ZMYND8: variants seen among roughly 807,000 people sequenced by gnomAD.
ZMYND8 encodes zinc finger MYND-type containing 8, also known as MYND-type zinc finger-containing chromatin reader ZMYND8.
A neutral mutation model predicts 140.8 loss-of-function variants in ZMYND8; 37 were observed. The observed-to-expected ratio is 0.26, with a 90% CI of 0.20 to 0.35. ZMYND8 has a LOEUF of 0.35. Ranked by LOEUF, ZMYND8 falls within the 10% of genes least tolerant of loss-of-function variation. The probability of loss-of-function intolerance (pLI) is 1.00; values close to 1 mark genes in which losing one functional copy is unlikely to be tolerated. For synonymous variants in ZMYND8, 592 were observed against 597.1 expected (o/e 0.99, Z 0.12); for missense variants, 1,068 against 1,570.0 (o/e 0.68, Z 5.40).
intron 21 of ZMYND8, among the ~76,000 whole-genome samples, chr20:47,219,261 T>G (rs943969082): frequency 2.0e-5 from 3 of 151,710 alleles, no homozygotes; most frequent in Non-Finnish European, 2.9e-5. Flanking sequence ...TTTCACCATG[T>G]TGGTCAGGCT....
chr20:47,264,517 T>A (rs918233414), intron 11 of ZMYND8, among the ~76,000 whole-genome samples: 3 of 152,114 alleles, frequency 2.0e-5, no homozygotes, highest in African/African-American at 7.2e-5. Context: ...CCTCAAGGGA[T>A]CCACCCGCCT....
chr20:47,226,639 C>G (rs980151294), intron 18 of ZMYND8, among the ~76,000 whole-genome samples: 1 of 144,450 alleles, frequency 6.9e-6, no homozygotes, highest in East Asian at 1.9e-4. Flanking sequence ...GGGGATATGT[C>G]CACGCATGCG....
chr20:47,209,467 T>TC lies in ZMYND8; in HGVS notation c.*1293_*1294insG, dbSNP rs2034978162. On this transcript the variant is annotated 3_prime_UTR_variant, in exon 23 of 23. Transcript: ENST00000471951. The stretch of plus-strand genomic sequence containing the variant: ...GGCCAGCTAGGCTATTTTTTTTTTT[T>TC]GACAACTGCAATTCACAAATGTTCT... The TC allele has an allele frequency of 6.8e-6, 1 of 148,012 alleles. No homozygotes were observed. Among genetic ancestry groups the TC allele is most frequent in the Non-Finnish European group, 1.5e-5 (1 of 67,102 alleles). 9.2% of individuals were successfully genotyped at this position (148,012 alleles called of 1,614,324 possible).
chr20:47,271,174 C>G (rs2075921230), intron 11 of ZMYND8, among the ~76,000 whole-genome samples: 1 of 152,200 alleles, frequency 6.6e-6, no homozygotes, highest in Admixed American at 6.5e-5. Flanking sequence ...TCCCTGGTCT[C>G]TTTCAGAAAG....
At chr20:47,217,951 C>CAGG (rs2036364837) in intron 21 of ZMYND8, among the ~76,000 whole-genome samples, 1 of 151,792 alleles carries the variant, frequency 6.6e-6, no homozygotes. Context: ...TGCCTCAGGT[C>CAGG]AGGAGTCAGC....
chr20:47,292,418 CA>C (rs151072463), intron 5 of ZMYND8, among the ~76,000 whole-genome samples: 11 of 141,228 alleles, frequency 7.8e-5, no homozygotes, highest in Non-Finnish European at 1.1e-4. Flanking sequence ...TATACCATAG[CA>C]AAAAAAAAAC....
chr20:47,225,136 T>TA (rs1395574655), intron 18 of ZMYND8, among the ~76,000 whole-genome samples: 1 of 152,164 alleles, frequency 6.6e-6, no homozygotes, highest in East Asian at 1.9e-4. Flanking sequence ...TGGATCCAGA[T>TA]GGGACTGTGG....
chr20:47,269,851 A>G (rs2147696781), intron 11 of ZMYND8, among the ~76,000 whole-genome samples: 1 of 152,382 alleles, frequency 6.6e-6, no homozygotes, highest in South Asian at 2.1e-4. Flanking sequence ...CCATGCACAG[A>G]TGAGCAGAGC....
intron 2 of ZMYND8, among the ~76,000 whole-genome samples, chr20:47,339,719 G>A (rs534632920): frequency 3.8e-4 from 58 of 152,074 alleles, no homozygotes; most frequent in Non-Finnish European, 7.5e-4. Context: ...CTCATGATCC[G>A]CCCACCTCGG....
chr20:47,231,833 C>T (rs2038527812), intron 16 of ZMYND8, among the ~76,000 whole-genome samples: 1 of 152,242 alleles, frequency 6.6e-6, no homozygotes, highest in Non-Finnish European at 1.5e-5. Flanking sequence ...GGGTGAAATT[C>T]AATACATTGC....
intron 19 of ZMYND8, among the ~76,000 whole-genome samples, chr20:47,222,248 G>A (rs755472823): frequency 6.6e-6 from 1 of 152,196 alleles, no homozygotes; most frequent in Non-Finnish European, 1.5e-5. Flanking sequence ...AAAACAGGGC[G>A]TTTGGGGCCG....
intron 19 of ZMYND8, 114 bp downstream of exon 19, chr20:47,224,203 C>T (rs556567260): frequency 6.6e-7 from 1 of 1,516,364 alleles, no homozygotes; most frequent in African/African-American, 1.4e-5. Flanking sequence ...TGAAAGTGTC[C>T]AGAAGCCAGG....
At chr20:47,259,463 C>T (rs1284178530) in intron 12 of ZMYND8, among the ~76,000 whole-genome samples, 1 of 152,156 alleles carries the variant, frequency 6.6e-6, no homozygotes, top group African/African-American at 2.4e-5. Flanking sequence ...CCTCTCCAGA[C>T]CTCCCTCAGT....
intron 2 of ZMYND8, chr20:47,320,242 C>T (rs1205075440): frequency 1.3e-5 from 2 of 152,240 alleles, no homozygotes; most frequent in South Asian, 2.1e-4. Flanking sequence ...CCACTGCTAA[C>T]CAACCAAGGT....
At chr20:47,300,714 G>A (rs1486417110) in intron 3 of ZMYND8, among the ~76,000 whole-genome samples, 1 of 152,090 alleles carries the variant, frequency 6.6e-6, no homozygotes, top group African/African-American at 2.4e-5. Flanking sequence ...CTTTTATTAT[G>A]AGGTTTTGTT....
At chr20:47,316,585 G>A (rs541535616) in intron 2 of ZMYND8, among the ~76,000 whole-genome samples, 46 of 151,996 alleles carry the variant, frequency 3.0e-4, no homozygotes, top group Admixed American at 2.8e-3. Context: ...CTGAGGTCAG[G>A]AGTTCAAAAC....
rs533995837 is a variant in ZMYND8 at position 47,290,104 on chromosome 20, G to C, written c.748+83C>G. On this transcript the variant is annotated intron_variant, in intron 7 of 22. Transcript: ENST00000471951. ...CGCAAGTATTCTCAATATGAATTAAGAGCCTGATTTTTCATGAAGGACAGG... is the reference window on the plus strand; with the variant it reads ...CGCAAGTATTCTCAATATGAATTAACAGCCTGATTTTTCATGAAGGACAGG... 41 of 1,329,060 alleles carry C rather than the reference G, an allele frequency of 3.1e-5. No individual in the cohort carries two copies. The East Asian group carries it at 8.9e-4, about 29-fold the overall frequency. 82.3% of individuals were successfully genotyped at this position (1,329,060 alleles called of 1,614,324 possible).
intron 18 of ZMYND8, among the ~76,000 whole-genome samples, chr20:47,225,763 T>G (rs556024127): frequency 1.3e-5 from 2 of 151,838 alleles, no homozygotes; most frequent in Non-Finnish European, 2.9e-5. Flanking sequence ...TAGCTAAGTT[T>G]TGGCCAGCCC....
chr20:47,274,257 A>G (rs1172633369), intron 11 of ZMYND8, among the ~76,000 whole-genome samples: 1 of 152,238 alleles, frequency 6.6e-6, no homozygotes, highest in African/African-American at 2.4e-5. Context: ...CTAGTTATGT[A>G]TTAATTTCAC....
Sources: gnomAD v4.1 joint callset for allele counts (sites outside exome capture counted in the v4.1 genomes callset) on GRCh38, gnomAD v4.1.1 for gene constraint, MANE v1.5 for transcripts, NCBI Gene and HGNC (gene_info 2026-07-23, HGNC 2026-07-21) for gene names.